Variants in EHBP1 observed in about 807,000 individuals in gnomAD.
The protein encoded by EHBP1 is EH domain-binding protein 1.
Under a neutral mutation model 144.0 loss-of-function variants are expected in EHBP1, and 55 were observed. The observed-to-expected ratio is 0.38, with a 90% confidence interval of 0.31 to 0.48. The LOEUF (loss-of-function observed/expected upper bound fraction) is 0.48. Ranked by LOEUF, EHBP1 falls within the 20% of genes least tolerant of loss-of-function variation. The pLI is 0.98. For missense variants in EHBP1, 1,200 were observed against 1,364.2 expected (o/e 0.88, Z 1.90); for synonymous variants, 469 against 472.7 (o/e 0.99, Z 0.10).
At chr2:62,733,381 C>G (rs1359844050) in intron 2 of EHBP1, among the ~76,000 whole-genome samples, 1 of 152,046 alleles carries the variant, frequency 6.6e-6, no homozygotes, top group Admixed American at 6.5e-5. Flanking sequence ...TAACTGAGGT[C>G]TGAGTTGGAT....
chr2:62,827,156 G>A (rs1051045339), intron 6 of EHBP1, among the ~76,000 whole-genome samples: 2 of 152,142 alleles, frequency 1.3e-5, no homozygotes, highest in African/African-American at 2.4e-5. Flanking sequence ...TGGATTCTGT[G>A]CGTCAGTCAA....
intron 10 of EHBP1, among the ~76,000 whole-genome samples, chr2:62,919,788 C>A (rs2054919506): frequency 2.0e-5 from 3 of 151,752 alleles, no homozygotes; most frequent in Admixed American, 2.0e-4. Flanking sequence ...AAAAGAGATA[C>A]CTGAACCAAA....
chr2:62,728,351 A>G (rs1035921169), intron 2 of EHBP1, among the ~76,000 whole-genome samples: 17 of 152,208 alleles, frequency 1.1e-4, no homozygotes, highest in African/African-American at 3.9e-4. Context: ...ATCATTTCAC[A>G]TTCCCACCAG....
intron 1 of EHBP1, among the ~76,000 whole-genome samples, chr2:62,694,914 C>A (rs1398792431): frequency 1.3e-5 from 2 of 152,048 alleles, no homozygotes; most frequent in African/African-American, 4.8e-5. Context: ...ATGTTTATGT[C>A]ACACATATAT....
intron 2 of EHBP1, among the ~76,000 whole-genome samples, chr2:62,708,932 T>G (rs1371699883): frequency 6.7e-6 from 1 of 149,926 alleles, no homozygotes; most frequent in Non-Finnish European, 1.5e-5. Context: ...ATATGAGGTT[T>G]GAGAGTCAGG....
In EHBP1 at chr2:62,737,923, C is replaced by G. The variant is rs566970589; in HGVS notation, c.105-9472C>G. ...GGACTACAGGGTCATGCCATCATGTCCGGCTAATTTTTTAATTTTTTTGTA... is the reference window on the plus strand; with the variant it reads ...GGACTACAGGGTCATGCCATCATGTGCGGCTAATTTTTTAATTTTTTTGTA... On this transcript the variant is annotated intron_variant, in intron 2 of 22. Coordinates refer to ENST00000431489, the MANE Select transcript of EHBP1 (RefSeq NM_001142616.3). 1.6e-4 allele frequency among the ~76,000 whole-genome samples: 24 copies of G among 152,058 alleles called. 1 individual carries two copies. Among genetic ancestry groups the G allele is most frequent in the Non-Finnish European group, 2.9e-4 (20 of 68,024 alleles).
At chr2:62,751,616 G>T (rs189224699) in intron 3 of EHBP1, among the ~76,000 whole-genome samples, 3,846 of 152,184 alleles carry the variant, frequency 0.025, 77 homozygotes, top group Middle Eastern at 0.085. Flanking sequence ...TCTGGTCCTC[G>T]ACTTTTTTTG....
At chr2:62,869,495 A>G (rs192653318) in intron 9 of EHBP1, among the ~76,000 whole-genome samples, 1 of 152,336 alleles carries the variant, frequency 6.6e-6, no homozygotes, top group Admixed American at 6.5e-5. Context: ...TTGCAAGATC[A>G]TTATACTGAG....
chr2:62,753,765 T>C (rs945289501), intron 3 of EHBP1, among the ~76,000 whole-genome samples: 2 of 152,210 alleles, frequency 1.3e-5, no homozygotes, highest in African/African-American at 2.4e-5. Flanking sequence ...ACTGATACCC[T>C]TTCTTCCAGT....
chr2:62,722,052 TC>T (rs2036274996), intron 2 of EHBP1, among the ~76,000 whole-genome samples: 1 of 152,202 alleles, frequency 6.6e-6, no homozygotes, highest in South Asian at 2.1e-4. Context: ...GTAATTTTTT[TC>T]TTAACATTTA....
At chr2:62,835,138 T>C (rs764653281) in intron 7 of EHBP1, among the ~76,000 whole-genome samples, 1 of 152,188 alleles carries the variant, frequency 6.6e-6, no homozygotes, top group Non-Finnish European at 1.5e-5. Flanking sequence ...TCTTGGCATA[T>C]TTGTCACTTG....
chr2:62,950,885 A>T (rs542875942), intron 13 of EHBP1, among the ~76,000 whole-genome samples: 1 of 152,066 alleles, frequency 6.6e-6, no homozygotes. Flanking sequence ...GTGTTTCTCC[A>T]TGTTGGTCAG....
chr2:62,919,492 A>G (rs961237760), intron 10 of EHBP1, among the ~76,000 whole-genome samples: 4 of 152,052 alleles, frequency 2.6e-5, no homozygotes, highest in African/African-American at 9.7e-5. Flanking sequence ...ACCACCTACA[A>G]TTTTTTTTAA....
chr2:62,849,273 C>T (rs1306538770), intron 7 of EHBP1, among the ~76,000 whole-genome samples: 1 of 152,002 alleles, frequency 6.6e-6, no homozygotes, highest in Non-Finnish European at 1.5e-5. Flanking sequence ...CTGAGAGGAA[C>T]CCCAAACTAG....
intron 5 of EHBP1, among the ~76,000 whole-genome samples, chr2:62,788,684 ATT>A (rs2042974567): frequency 6.6e-6 from 1 of 152,122 alleles, no homozygotes; most frequent in South Asian, 2.1e-4. Context: ...ATTTTACTTA[ATT>A]TTGTTTTTAT....
intron 10 of EHBP1, among the ~76,000 whole-genome samples, chr2:62,894,282 T>C (rs2052700526): frequency 6.6e-6 from 1 of 152,192 alleles, no homozygotes; most frequent in African/African-American, 2.4e-5. Flanking sequence ...AGGGCTATAA[T>C]AGAGATAAGC....
intron 7 of EHBP1, among the ~76,000 whole-genome samples, chr2:62,843,721 A>G (rs2048088340): frequency 6.6e-6 from 1 of 152,280 alleles, no homozygotes; most frequent in East Asian, 1.9e-4. Context: ...CGACCACTTT[A>G]AAAGTGTTTG....
At chr2:62,747,359 A>G in intron 2 of EHBP1, 36 bp from the exon 3 acceptor site, 1 of 1,589,202 alleles carries the variant, frequency 6.3e-7, no homozygotes, top group Middle Eastern at 2.0e-4. Flanking sequence ...TATTTATTTA[A>G]GATAAATTAT....
Position 62,760,085 on chromosome 2 carries a change from A to C in EHBP1, c.163-4181A>C, listed in dbSNP as rs1242776047. ...GCCCTGTGGAACTTGCATATGTGAAAAGTCAGCCCTCCACATATGCAGGTT... is the reference window on the plus strand; with the variant it reads ...GCCCTGTGGAACTTGCATATGTGAACAGTCAGCCCTCCACATATGCAGGTT... On this transcript the variant is annotated intron_variant, in intron 3 of 22. Transcript: ENST00000431489. Among the ~76,000 whole-genome samples the C allele has an allele frequency of 2.0e-5, 3 of 152,250 alleles. No individual in the cohort carries two copies. The East Asian group carries it at 5.8e-4, about 29-fold the overall frequency.
Sources: gnomAD v4.1 joint callset for allele counts (sites outside exome capture counted in the v4.1 genomes callset) on GRCh38, gnomAD v4.1.1 for gene constraint, MANE v1.5 for transcripts, NCBI Gene and HGNC (gene_info 2026-07-23, HGNC 2026-07-21) for gene names.